Variants in ARAP2 observed in about 807,000 individuals in gnomAD.
ARAP2 encodes the protein arf-GAP with Rho-GAP domain, ANK repeat and PH domain-containing protein 2.
Under a neutral mutation model 194.5 loss-of-function variants are expected in ARAP2, and 148 were observed. That is an observed-to-expected ratio of 0.76 (90% confidence interval 0.67 to 0.87). ARAP2 has a LOEUF of 0.87. Among genes scored for constraint, ARAP2 ranks in the 40% least tolerant of loss-of-function variants. ARAP2 has a pLI of 0.00. For missense variants in ARAP2, 2,128 were observed against 1,989.7 expected, an observed-to-expected ratio of 1.07 and a Z score of -1.32; for synonymous variants, 695 against 683.5, an observed-to-expected ratio of 1.02 and a Z score of -0.26.
chr4:36,156,401 A>G (rs1291473562), intron 15 of ARAP2, among the ~76,000 whole-genome samples: 372 of 12,720 alleles, frequency 0.029, 47 homozygotes, highest in East Asian at 0.037. Context: ...GAAAGAAAGA[A>G]AGAAAGAAAG....
At chr4:36,096,376 A>AG (rs1238239929) in intron 27 of ARAP2, among the ~76,000 whole-genome samples, 15 of 151,300 alleles carry the variant, frequency 9.9e-5, no homozygotes, top group Admixed American at 4.0e-4. Context: ...AAAAAAAAAA[A>AG]AAAAGAAAAA....
At chr4:36,042,117 C>T (rs932306225) in intron 5 of ARAP2, among the ~76,000 whole-genome samples, 5 of 151,992 alleles carry the variant, frequency 3.3e-5, no homozygotes, top group African/African-American at 1.2e-4. Context: ...TATGACAAGC[C>T]CCCATGACAC....
At chr4:36,147,782 T>G (rs773449855) in intron 17 of ARAP2, 36 bp from the exon 18 acceptor site, 3 of 1,512,402 alleles carry the variant, frequency 2.0e-6, no homozygotes, top group Non-Finnish European at 2.7e-6. Context: ...ATAAAGACAG[T>G]GAAAATAGGA....
In ARAP2 at chr4:36,210,520, A is replaced by G. The variant is rs2109268923; in HGVS notation, c.1357T>C (p.Leu453=). The change falls in exon 6 of 33, where the codon TTA becomes CTA. Residue 453 remains leucine, a synonymous_variant. Transcript: ENST00000303965. ...TCAGCATTTCCACTTGTTGAGCTTA[A>G]CGGATAACTGTGCCTATTAACGGAG... is the stretch of plus-strand genomic sequence containing the variant. ...LDSVNRHSYP[L]SSTSGNADSS... 6.2e-7 allele frequency: 1 copy of G among 1,613,956 alleles called. No individual in the cohort carries two copies. The highest frequency in any genetic ancestry group is 2.2e-5 in the East Asian group (1 of 44,870).
chr4:36,077,078 T>C (rs1001861772), intron 31 of ARAP2, among the ~76,000 whole-genome samples: 1 of 152,046 alleles, frequency 6.6e-6, no homozygotes, highest in African/African-American at 2.4e-5. Context: ...CAGCCTGCAA[T>C]CTAGGAGCTT....
chr4:36,037,364 A>T (rs1229433831), intron 5 of ARAP2, among the ~76,000 whole-genome samples: 1 of 152,086 alleles, frequency 6.6e-6, no homozygotes, highest in Non-Finnish European at 1.5e-5. Flanking sequence ...CAGGACCTGT[A>T]CTTTGGGGAT....
At chr4:36,133,094 T>C (rs1725810284) in intron 20 of ARAP2, 132 bp downstream of exon 20, 1 of 816,912 alleles carries the variant, frequency 1.2e-6, no homozygotes, top group Non-Finnish European at 1.8e-6. Context: ...ACAGTAAATC[T>C]GCCTTTATTT....
intron 19 of ARAP2, among the ~76,000 whole-genome samples, chr4:36,139,223 T>C (rs1727617143): frequency 6.6e-6 from 1 of 151,666 alleles, no homozygotes; most frequent in Non-Finnish European, 1.5e-5. Context: ...CAATATTAAA[T>C]AGAAGTGGTG....
intron 31 of ARAP2, among the ~76,000 whole-genome samples, chr4:36,077,802 C>T (rs551642228): frequency 1.3e-5 from 2 of 152,242 alleles, no homozygotes; most frequent in South Asian, 2.1e-4. Flanking sequence ...CCTTCCTCAT[C>T]TCTAATATCT....
chr4:36,058,839 G>C (rs1375558645), intron 1 of ARAP2, among the ~76,000 whole-genome samples: 1 of 152,090 alleles, frequency 6.6e-6, no homozygotes, highest in Non-Finnish European at 1.5e-5. Context: ...ATTATCAGGT[G>C]GTGATAAGCC....
rs1250220451 is a variant in ARAP2 at position 36,229,631 on chromosome 4, T to G, written c.-145A>C. 1.5e-4 allele frequency: 86 copies of G among 578,038 alleles called. 1 individual carries two copies. In the East Asian group the frequency reaches 2.4e-3, roughly 16 times the overall value. The allele number at this position is 578,038 out of a possible 1,614,324, so 35.8% of individuals were successfully genotyped here. On this transcript the variant is annotated 5_prime_UTR_variant, in exon 2 of 33. Transcript: ENST00000303965. ...ATGTTATTTTCTTCACAGTGACTGCTTTACCTGCTTAAGCCTAGAAAAAAA... is the reference window on the plus strand; with the variant it reads ...ATGTTATTTTCTTCACAGTGACTGCGTTACCTGCTTAAGCCTAGAAAAAAA...
At chr4:36,198,807 T>C (rs1444646721) in intron 6 of ARAP2, among the ~76,000 whole-genome samples, 1 of 152,066 alleles carries the variant, frequency 6.6e-6, no homozygotes, top group African/African-American at 2.4e-5. Flanking sequence ...TCCCCAAGAG[T>C]GCAGAGATGC....
chr4:36,209,599 A>G (rs915473053), intron 6 of ARAP2, among the ~76,000 whole-genome samples: 1 of 152,112 alleles, frequency 6.6e-6, no homozygotes, highest in Non-Finnish European at 1.5e-5. Context: ...AATGACACAC[A>G]TTTCAAGAGA....
chr4:36,095,035 A>C (rs576369028), intron 27 of ARAP2, among the ~76,000 whole-genome samples: 1 of 152,312 alleles, frequency 6.6e-6, no homozygotes, highest in East Asian at 1.9e-4. Context: ...AAGACATGTC[A>C]GATTCATCTA....
chr4:36,009,391 C>T (rs1201477427), intron 9 of ARAP2, among the ~76,000 whole-genome samples: 3 of 152,040 alleles, frequency 2.0e-5, no homozygotes, highest in Non-Finnish European at 2.9e-5. Flanking sequence ...TTTGCACCAA[C>T]ATATAGGCAA....
intron 19 of ARAP2, among the ~76,000 whole-genome samples, chr4:36,144,034 C>T (rs1229913956): frequency 1.3e-5 from 2 of 151,616 alleles, no homozygotes; most frequent in Non-Finnish European, 3.0e-5. Context: ...CCATATCTTC[C>T]ATATATGAGG....
intron 14 of ARAP2, 72 bp downstream of exon 14, chr4:36,159,259 A>C: frequency 7.5e-7 from 1 of 1,331,080 alleles, no homozygotes; most frequent in African/African-American, 1.5e-5. Flanking sequence ...TTGAAAAATC[A>C]ATAGATTTAT....
intron 19 of ARAP2, among the ~76,000 whole-genome samples, chr4:36,142,615 ATTTTTAACT>A (rs1238028275): frequency 6.6e-6 from 1 of 151,416 alleles, no homozygotes; most frequent in Non-Finnish European, 1.5e-5. Context: ...AGCACTTGAC[ATTTTTAACT>A]GATCCTTCCT....
intron 5 of ARAP2, among the ~76,000 whole-genome samples, chr4:36,020,998 G>A (rs1716839956): frequency 6.6e-6 from 1 of 152,184 alleles, no homozygotes; most frequent in Non-Finnish European, 1.5e-5. Context: ...AAAAAACTGG[G>A]TGAATGTACA....
Sources: allele counts gnomAD v4.1 joint callset (sites outside exome capture counted in the v4.1 genomes callset), GRCh38; gene constraint gnomAD v4.1.1; transcripts MANE v1.5; gene names NCBI Gene and HGNC (gene_info 2026-07-23, HGNC 2026-07-21).